The following ADGRD2 variants were observed in gnomAD, a reference collection of about 807,000 sequenced individuals.
ADGRD2 encodes adhesion G protein-coupled receptor D2, also known as G protein-coupled receptor PGR24.
A neutral mutation model predicts 44.4 loss-of-function variants in ADGRD2; 71 were observed. The ratio of observed to expected loss-of-function variants is 1.60; its 90% CI spans 1.32 to 1.95. The LOEUF (loss-of-function observed/expected upper bound fraction) is 1.95, where lower values mean the gene tolerates loss of function less well. Ranked by LOEUF, ADGRD2 falls within the 30% of genes most tolerant of loss-of-function variation. ADGRD2 has a pLI of 0.00. For missense variants in ADGRD2, 1,039 were observed against 512.4 expected (o/e 2.03, Z -9.92); for synonymous variants, 481 against 224.8 (o/e 2.14, Z -10.19).
chr9:124,451,409 G>A (rs751717443), upstream of ADGRD2: 3 of 361,716 alleles, frequency 8.3e-6, no homozygotes, highest in African/African-American at 4.3e-5. Flanking sequence ...GTCCTGAAGG[G>A]GCTCCTGGAG....
At chr9:124,467,946 C>T (rs1831859943) in intron 12 of ADGRD2, 122 bp downstream of exon 15, 1 of 699,896 alleles carries the variant, frequency 1.4e-6, no homozygotes, top group African/African-American at 1.8e-5. Flanking sequence ...TGAGCCTCTC[C>T]TTAGGATGTG....
exon 10 of ADGRD2, chr9:124,458,649 C>T (rs922022825): frequency 7.0e-6 from 5 of 718,824 alleles, no homozygotes; most frequent in Non-Finnish European, 1.0e-5. Context: ...CAGCCATCAT[C>T]TCCTCTGAAG....
At chr9:124,458,644 A>G (rs974765467) in exon 10 of ADGRD2, 2 of 718,806 alleles carry the variant, frequency 2.8e-6, no homozygotes, top group Admixed American at 2.0e-5. Context: ...GGGGTCAGCC[A>G]TCATCTCCTC....
At position 124,458,400 on chromosome 9, in the gene ADGRD2, C is replaced by T. The variant is rs906819994; in HGVS notation, c.1764+164C>T. ...CTTCTGCACCTGCCAGAGGTGAACA[C>T]GGCTCAACTCCTGTCTGGGGTTCTG... On this transcript the variant is annotated intron_variant, in intron 9 of 21. Coordinates refer to ENST00000334810, the Ensembl canonical transcript of ADGRD2. Among the ~76,000 whole-genome samples, 8 of 152,218 alleles carry T rather than the reference C, an allele frequency of 5.3e-5. No individual in the cohort carries two copies. In the East Asian group the frequency reaches 1.2e-3, roughly 22 times the overall value.
chr9:124,456,713 G>T (rs139356257), exon 7 of ADGRD2: 2 of 710,326 alleles, frequency 2.8e-6, no homozygotes, highest in Admixed American at 4.0e-5. Context: ...CCCCGAATGC[G>T]CATCCAGCAC....
chr9:124,469,448 T>C (rs1466834355), exon 16 of ADGRD2: 1 of 718,190 alleles, frequency 1.4e-6, no homozygotes. Context: ...ACCTGCATCC[T>C]GGCCCGTGTG....
In ADGRD2 at chr9:124,454,742, T is replaced by C. The variant is rs1163262750; in HGVS notation, c.1109-101T>C. The C allele has an allele frequency of 1.6e-6, 1 of 616,518 alleles. No homozygotes were observed. Among genetic ancestry groups the C allele is most frequent in the South Asian group, 1.8e-5 (1 of 54,546 alleles). 38.2% of individuals were successfully genotyped at this position (616,518 alleles called of 1,614,324 possible). A position where few individuals can be genotyped will look rare whatever the true frequency, so the allele number is the denominator to read the frequency against. Reference sequence around the variant, plus strand: ...AGTTGGCGGCTTGTGACAAGTTTAATGGGTGCCCACCAAGAAGACCCTGGC... The same window carrying C: ...AGTTGGCGGCTTGTGACAAGTTTAACGGGTGCCCACCAAGAAGACCCTGGC... On this transcript the variant is annotated intron_variant, in intron 5 of 21. Transcript: ENST00000334810. The surrounding 1 kb of genome is among the most constrained non-coding windows in gnomAD (Gnocchi z 4.5).
In ADGRD2 at chr9:124,454,006, C is replaced by T; in HGVS notation, c.933C>T (p.Ser311=). The change falls in exon 4 of 22, where the codon TCC becomes TCT. Residue 311 remains serine, a synonymous_variant. Transcript: ENST00000334810. This position sits in a 1 kb window ranked among gnomAD's most constrained non-coding sequence, Gnocchi z 4.5. ...CTCCCCTGCCCCTGCCAGTGCCCTC[C>T]GAGGAGTGCCCTACGTGGAACCCGG... The T allele has an allele frequency of 1.4e-6, 1 of 699,656 alleles. No homozygotes were observed. Among genetic ancestry groups the T allele is most frequent in the Non-Finnish European group, 2.6e-6 (1 of 378,018 alleles). The allele number at this position is 699,656 out of a possible 1,614,324, so 43.3% of individuals were successfully genotyped here.
At chr9:124,452,001 C>CCCCCCCCCCCCCCCCCCCCCCCG, upstream of ADGRD2, 1 of 319,578 alleles carries the variant, frequency 3.1e-6, no homozygotes, top group Admixed American at 4.5e-5. Context: ...CTGAATGCCC[C>CCCCCCCCCCCCCCCCCCCCCCCG]CCTCCCACCC....
exon 16 of ADGRD2, chr9:124,469,489 C>T (rs1831902182): frequency 4.2e-6 from 3 of 718,162 alleles, no homozygotes; most frequent in Non-Finnish European, 7.8e-6. Flanking sequence ...TGCCCGCCGC[C>T]GTGCCCGCAT....
intron 16 of ADGRD2, 66 bp from the exon 20 acceptor site, chr9:124,470,428 C>G: frequency 2.9e-6 from 2 of 678,938 alleles, no homozygotes; most frequent in Non-Finnish European, 5.4e-6. Context: ...TGCTGCTCTC[C>G]CTGGAGCCCT....
chr9:124,460,736 G>T (rs1399206546), intron 10 of ADGRD2, among the ~76,000 whole-genome samples: 1 of 151,806 alleles, frequency 6.6e-6, no homozygotes, highest in African/African-American at 2.4e-5. Flanking sequence ...TTTTCAGTTT[G>T]GGCTATTATG....
In ADGRD2 at chr9:124,470,040, C is replaced by G. The variant is rs1381122378; in HGVS notation, c.2638-454C>G. On this transcript the variant is annotated intron_variant, in intron 16 of 21. Coordinates refer to ENST00000334810, the Ensembl canonical transcript of ADGRD2. Reference sequence around the variant, plus strand: ...AGGGACCCCACCGGCCTTTCCCAGCCCTGCCTCCTTGCTGGCTTTCCCCTT... The same window carrying G: ...AGGGACCCCACCGGCCTTTCCCAGCGCTGCCTCCTTGCTGGCTTTCCCCTT... 5.3e-5 allele frequency among the ~76,000 whole-genome samples: 8 copies of G among 152,346 alleles called. No individual in the cohort carries two copies. The East Asian group carries it at 9.6e-4, about 18-fold the overall frequency.
At chr9:124,469,479 T>C (rs756147732) in exon 16 of ADGRD2, 1 of 717,926 alleles carries the variant, frequency 1.4e-6, no homozygotes, top group Non-Finnish European at 2.6e-6. Context: ...CCGTGTCCAG[T>C]GCCCGCCGCC....
chr9:124,470,334 C>T (rs1831923626), intron 16 of ADGRD2, among the ~76,000 whole-genome samples, 160 bp from the exon 20 acceptor site: 1 of 152,182 alleles, frequency 6.6e-6, no homozygotes, highest in South Asian at 2.1e-4. Flanking sequence ...CAACAAAGTC[C>T]AGTCAAAGGT....
chr9:124,452,756 G>T, intron 2 of ADGRD2, 34 bp downstream of exon 5: 1 of 697,380 alleles, frequency 1.4e-6, no homozygotes, highest in Non-Finnish European at 2.7e-6. Flanking sequence ...GGGAGCAAGG[G>T]GCAGAGGCTC....
chr9:124,455,865 G>C (rs1297640482), intron 6 of ADGRD2, among the ~76,000 whole-genome samples: 1 of 152,182 alleles, frequency 6.6e-6, no homozygotes, highest in East Asian at 1.9e-4. Context: ...AGCAGGGAGG[G>C]AACGAGAATC....
chr9:124,469,520 T>A (rs1004506341), exon 16 of ADGRD2: 41 of 718,018 alleles, frequency 5.7e-5, no homozygotes, highest in Non-Finnish European at 9.6e-5. Context: ...CAGCCCTGCC[T>A]GCAGCAGCAG....
exon 3 of ADGRD2, chr9:124,453,667 C>G: frequency 2.9e-6 from 2 of 700,512 alleles, no homozygotes; most frequent in Non-Finnish European, 5.2e-6. Context: ...GGTGCGCCTT[C>G]TCTGTCCCGG....
Sources: allele counts gnomAD v4.1 joint callset (sites outside exome capture counted in the v4.1 genomes callset), GRCh38; gene constraint gnomAD v4.1.1; non-coding constraint Gnocchi (gnomAD v3.1); transcripts MANE v1.5; gene names NCBI Gene and HGNC (gene_info 2026-07-23, HGNC 2026-07-21).